Variants in PECAM1 observed in about 807,000 individuals in gnomAD.
PECAM1 encodes platelet and endothelial cell adhesion molecule 1.
A neutral mutation model predicts 13.8 loss-of-function variants in PECAM1; 8 were observed. The observed-to-expected ratio is 0.58, with a 90% confidence interval of 0.34 to 1.05. PECAM1 has a LOEUF of 1.05. PECAM1 is among the 50% of genes least tolerant of loss of function. The pLI is 0.03. For synonymous variants in PECAM1, 136 were observed against 52.6 expected, an observed-to-expected ratio of 2.58 and a Z score of -6.86; for missense variants, 304 against 141.2, an observed-to-expected ratio of 2.15 and a Z score of -5.84.
At chr17:64,358,507 C>A (rs982160241) in intron 7 of PECAM1, among the ~76,000 whole-genome samples, 1 of 152,168 alleles carries the variant, frequency 6.6e-6, no homozygotes, top group African/African-American at 2.4e-5. Context: ...CTCTGCCCAC[C>A]CATTCTCAAG....
chr17:64,388,284 T>C (rs926723235), intron 2 of PECAM1, among the ~76,000 whole-genome samples: 319 of 152,110 alleles, frequency 2.1e-3, no homozygotes, highest in African/African-American at 7.2e-3. Flanking sequence ...GGGCAGGGTC[T>C]GGCCCAAAGG....
chr17:64,363,119 T>C, intron 6 of PECAM1, 30 bp downstream of exon 6: 4 of 475,370 alleles, frequency 8.4e-6, no homozygotes, highest in Non-Finnish European at 1.5e-5. Context: ...CAACCCTGGA[T>C]GTCCTCTGAG....
chr17:64,344,976 G>A (rs1321222137), intron 13 of PECAM1, among the ~76,000 whole-genome samples: 11 of 152,254 alleles, frequency 7.2e-5, no homozygotes, highest in Middle Eastern at 3.4e-3. Flanking sequence ...CATGCTGACC[G>A]CCTCTGCTTC....
At chr17:64,368,997 C>T (rs1420529424) in intron 5 of PECAM1, among the ~76,000 whole-genome samples, 4 of 110,030 alleles carry the variant, frequency 3.6e-5, no homozygotes, top group Non-Finnish European at 5.0e-5. Flanking sequence ...AGTGCAGTGG[C>T]GCAATCTCAG....
chr17:64,390,248 T>A, intron 2 of PECAM1: 2 of 392,936 alleles, frequency 5.1e-6, no homozygotes, highest in Non-Finnish European at 9.0e-6. Context: ...GATAACCCAC[T>A]ACTTTCAGAC....
At chr17:64,373,670 C>T (rs928310980) in intron 4 of PECAM1, among the ~76,000 whole-genome samples, 1 of 151,862 alleles carries the variant, frequency 6.6e-6, no homozygotes, top group Non-Finnish European at 1.5e-5. Context: ...TACTTTATAT[C>T]CTGCTCTTTT....
At chr17:64,344,987 A>C (rs932435804) in intron 13 of PECAM1, among the ~76,000 whole-genome samples, 114 of 152,206 alleles carry the variant, frequency 7.5e-4, no homozygotes, top group African/African-American at 2.6e-3. Flanking sequence ...CCTCTGCTTC[A>C]CCCAATCCTG....
intron 3 of PECAM1, among the ~76,000 whole-genome samples, chr17:64,377,046 C>G (rs2036374659): frequency 2.0e-5 from 3 of 152,144 alleles, no homozygotes; most frequent in African/African-American, 7.2e-5. Context: ...GCACTCTACC[C>G]ACATGACACT....
intron 5 of PECAM1, among the ~76,000 whole-genome samples, chr17:64,366,271 G>A (rs1385145045): frequency 6.6e-6 from 1 of 151,970 alleles, no homozygotes; most frequent in African/African-American, 2.4e-5. Context: ...AAACCGCTAT[G>A]AGATACCATC....
At chr17:64,388,372 G>C (rs1284215624) in intron 2 of PECAM1, among the ~76,000 whole-genome samples, 2 of 152,036 alleles carry the variant, frequency 1.3e-5, no homozygotes, top group African/African-American at 4.8e-5. Flanking sequence ...CGTAAAGGGG[G>C]GCTAGGACCG....
intron 2 of PECAM1, among the ~76,000 whole-genome samples, chr17:64,380,090 G>C (rs1200548843): frequency 6.6e-6 from 1 of 151,494 alleles, no homozygotes; most frequent in African/African-American, 2.4e-5. Context: ...CCAGCACTTT[G>C]AGAGGCCAAG....
intron 6 of PECAM1, 100 bp from the exon 7 acceptor site, chr17:64,360,515 C>G: frequency 2.4e-6 from 1 of 415,900 alleles, no homozygotes; most frequent in Non-Finnish European, 4.3e-6. Context: ...TGCTTTCTAT[C>G]CCTGCTGTAA....
At chr17:64,357,043 G>A (rs1471895594) in intron 7 of PECAM1, among the ~76,000 whole-genome samples, 3 of 151,984 alleles carry the variant, frequency 2.0e-5, no homozygotes, top group Non-Finnish European at 4.4e-5. Context: ...CTTCCTCCAC[G>A]CTCCCAATCT....
chr17:64,335,525 T>C (rs2035254623), intron 14 of PECAM1, among the ~76,000 whole-genome samples: 1 of 152,150 alleles, frequency 6.6e-6, no homozygotes, highest in Non-Finnish European at 1.5e-5. Context: ...GGACAGCAAT[T>C]GGTAACAAAC....
chr17:64,358,694 A>G lies in PECAM1; in HGVS notation c.1492+1446T>C, dbSNP rs999744913. On this transcript the variant is annotated intron_variant, in intron 7 of 15. Coordinates refer to ENST00000563924, the MANE Select transcript of PECAM1 (RefSeq NM_000442.5). ...ATTATGATTCAGATGTTTCTCCATC[A>G]TTTAATTAGGAGAGCTTGTGTTTCT... 2.0e-5 allele frequency among the ~76,000 whole-genome samples: 3 copies of G among 152,182 alleles called. No homozygotes were observed. The East Asian group carries it at 5.8e-4, about 29-fold the overall frequency.
chr17:64,383,351 AT>A (rs1441172423), intron 2 of PECAM1, among the ~76,000 whole-genome samples: 6 of 152,158 alleles, frequency 3.9e-5, no homozygotes, highest in African/African-American at 1.4e-4. Context: ...AGGAACATGA[AT>A]ACCTGCCTTC....
intron 14 of PECAM1, among the ~76,000 whole-genome samples, chr17:64,331,267 C>G (rs1373282401): frequency 6.6e-6 from 1 of 151,728 alleles, no homozygotes; most frequent in Admixed American, 6.6e-5. Context: ...CTCACTGCAA[C>G]CTCCATTTCC....
chr17:64,361,753 CAAAAAAAAAAAAAA>C (rs61144320), intron 6 of PECAM1, among the ~76,000 whole-genome samples: 1 of 68,136 alleles, frequency 1.5e-5, no homozygotes, highest in Non-Finnish European at 2.5e-5. Context: ...AACTCCATCT[CAAAAAAAAAAAAAA>C]AAAAAAAAGA....
chr17:64,327,184 G>T (rs1385090697), intron 15 of PECAM1, among the ~76,000 whole-genome samples: 8 of 152,198 alleles, frequency 5.3e-5, no homozygotes, highest in African/African-American at 1.4e-4. Flanking sequence ...TCCATATGTG[G>T]CAGGGTCATT....
Sources: gnomAD v4.1 joint callset for allele counts (sites outside exome capture counted in the v4.1 genomes callset) on GRCh38, gnomAD v4.1.1 for gene constraint, MANE v1.5 for transcripts, NCBI Gene and HGNC (gene_info 2026-07-23, HGNC 2026-07-21) for gene names.